Variants in CHN1 observed in about 807,000 individuals in gnomAD.
CHN1 encodes the protein chimerin 1.
Under a neutral mutation model 59.5 loss-of-function variants are expected in CHN1, and 37 were observed. The observed-to-expected ratio is 0.62, with a 90% confidence interval of 0.48 to 0.82. CHN1 has a LOEUF of 0.82. CHN1 is among the 40% of genes least tolerant of loss of function. The probability of loss-of-function intolerance (pLI) is 0.00; values close to 1 mark genes in which losing one functional copy is unlikely to be tolerated. For synonymous variants in CHN1, 206 were observed against 200.4 expected (o/e 1.03, Z -0.24); for missense variants, 469 against 571.0 (o/e 0.82, Z 1.82).
chr2:174,848,019 G>C (rs887439684), intron 6 of CHN1, among the ~76,000 whole-genome samples: 5 of 151,982 alleles, frequency 3.3e-5, no homozygotes, highest in Non-Finnish European at 5.9e-5. Context: ...TTAAAGACAA[G>C]GAAAAACTGG....
chr2:174,820,409 CTGA>C (rs1348256362), intron 8 of CHN1, among the ~76,000 whole-genome samples: 3 of 152,204 alleles, frequency 2.0e-5, no homozygotes, highest in Non-Finnish European at 4.4e-5. Context: ...TTGCATTTCT[CTGA>C]TGGCCAGTGA....
chr2:174,920,573 T>C (rs755422885), intron 3 of CHN1, among the ~76,000 whole-genome samples: 5 of 152,224 alleles, frequency 3.3e-5, no homozygotes, highest in Non-Finnish European at 7.3e-5. Context: ...TTTTCAGTGA[T>C]CTTCTCCCTT....
intron 1 of CHN1, among the ~76,000 whole-genome samples, chr2:174,994,375 T>C (rs1691639701): frequency 6.6e-6 from 1 of 152,194 alleles, no homozygotes; most frequent in Admixed American, 6.5e-5. Flanking sequence ...GTCCATGTCA[T>C]ATGGATCTGG....
chr2:174,840,068 T>C (rs868677340), intron 7 of CHN1, among the ~76,000 whole-genome samples: 57 of 151,808 alleles, frequency 3.8e-4, no homozygotes, highest in African/African-American at 1.3e-3. Flanking sequence ...TATTTGTATA[T>C]GAAATATTGA....
At chr2:174,918,706 C>A (rs1688919738) in intron 3 of CHN1, 141 bp from the exon 4 acceptor site, 1 of 612,896 alleles carries the variant, frequency 1.6e-6, no homozygotes, top group South Asian at 2.9e-5. Flanking sequence ...CCAGTTCTAC[C>A]AGCAGGTTAC....
chr2:174,906,886 G>A (rs1049507277), intron 5 of CHN1, among the ~76,000 whole-genome samples: 1 of 152,098 alleles, frequency 6.6e-6, no homozygotes, highest in Non-Finnish European at 1.5e-5. Flanking sequence ...GATCAAAAAC[G>A]GGTGTCTTTT....
rs865783996 is a variant in CHN1 at position 174,952,371 on chromosome 2, G to A, written c.20-169C>T. On this transcript the variant is annotated intron_variant, in intron 1 of 12. Coordinates refer to ENST00000409900, the MANE Select transcript of CHN1 (RefSeq NM_001822.7). ...TTTTTTTAGTCTTGGTCCTTACTTA[G>A]TTGGAGTAATTTTACAAAGATGTTT... is the stretch of plus-strand genomic sequence containing the variant. 2.0e-5 allele frequency among the ~76,000 whole-genome samples: 3 copies of A among 152,044 alleles called. No individual in the cohort carries two copies. In the South Asian group the frequency reaches 6.2e-4, roughly 31 times the overall value.
intron 5 of CHN1, among the ~76,000 whole-genome samples, chr2:174,914,755 A>G (rs1419941190): frequency 6.6e-6 from 1 of 151,498 alleles, no homozygotes; most frequent in South Asian, 2.1e-4. Context: ...AGGCAGGAGA[A>G]TAGCTTGAAC....
At chr2:174,991,023 CACTG>C (rs1390155177) in intron 1 of CHN1, among the ~76,000 whole-genome samples, 3 of 152,086 alleles carry the variant, frequency 2.0e-5, no homozygotes, top group South Asian at 2.1e-4. Context: ...TCATATAAAC[CACTG>C]ACTGCATCTT....
chr2:174,889,651 T>C (rs1217719338), intron 5 of CHN1, among the ~76,000 whole-genome samples: 1 of 151,978 alleles, frequency 6.6e-6, no homozygotes, highest in Non-Finnish European at 1.5e-5. Flanking sequence ...TAAAGACAGG[T>C]CATTTGAAAT....
chr2:174,831,559 G>A (rs1306140436), intron 7 of CHN1, among the ~76,000 whole-genome samples: 1 of 152,116 alleles, frequency 6.6e-6, no homozygotes, highest in Non-Finnish European at 1.5e-5. Flanking sequence ...GGTACAGATT[G>A]TATAATAATG....
At chr2:174,899,055 A>G (rs1290772993) in intron 5 of CHN1, among the ~76,000 whole-genome samples, 1 of 152,192 alleles carries the variant, frequency 6.6e-6, no homozygotes, top group Admixed American at 6.5e-5. Context: ...GGCTGTCAGT[A>G]GGACGGGCTC....
intron 2 of CHN1, among the ~76,000 whole-genome samples, chr2:174,948,111 C>T (rs1047839853): frequency 6.6e-6 from 1 of 152,148 alleles, no homozygotes; most frequent in African/African-American, 2.4e-5. Context: ...TTCATCAAGT[C>T]CAAAGATCAC....
intron 1 of CHN1, among the ~76,000 whole-genome samples, chr2:174,967,242 G>A (rs1309110142): frequency 6.6e-6 from 1 of 152,090 alleles, no homozygotes; most frequent in Non-Finnish European, 1.5e-5. Flanking sequence ...TACTGGGGTA[G>A]GAGGCAGGAG....
chr2:174,828,696 G>A (rs1685774747), intron 7 of CHN1, among the ~76,000 whole-genome samples: 1 of 152,180 alleles, frequency 6.6e-6, no homozygotes, highest in African/African-American at 2.4e-5. Context: ...AAAGCCATAA[G>A]TTGCATCTTG....
At position 174,894,114 on chromosome 2, in the gene CHN1, A is replaced by G. The variant is rs144050903; in HGVS notation, c.261-15986T>C. On this transcript the variant is annotated intron_variant, in intron 5 of 12. Transcript: ENST00000409900. Reference sequence around the variant, plus strand: ...AAGTAACAAGAGCAAAAACAGACAAATGGCACGACAGCACAAAAAACTTCT... The same window carrying G: ...AAGTAACAAGAGCAAAAACAGACAAGTGGCACGACAGCACAAAAAACTTCT... Among the ~76,000 whole-genome samples, 758 of 143,824 alleles carry G rather than the reference A, an allele frequency of 5.3e-3. 4 individuals carry two copies. The highest frequency in any genetic ancestry group is 8.7e-3 in the Non-Finnish European group (556 of 64,230). 94.4% of individuals were successfully genotyped at this position (143,824 alleles called of 152,430 possible). A position where few individuals can be genotyped will look rare whatever the true frequency, so the allele number is the denominator to read the frequency against.
intron 1 of CHN1, among the ~76,000 whole-genome samples, chr2:174,973,720 G>A (rs902436684): frequency 6.6e-6 from 1 of 152,134 alleles, no homozygotes; most frequent in Non-Finnish European, 1.5e-5. Flanking sequence ...TGAGAAGTGT[G>A]GGCCCTGGAA....
chr2:174,986,968 C>A (rs1048579411), intron 1 of CHN1, among the ~76,000 whole-genome samples: 7 of 152,128 alleles, frequency 4.6e-5, no homozygotes, highest in Admixed American at 1.3e-4. Context: ...CATCTCCTGA[C>A]CTCATGGTCT....
At chr2:174,992,803 A>G (rs1405259963) in intron 1 of CHN1, among the ~76,000 whole-genome samples, 1 of 146,686 alleles carries the variant, frequency 6.8e-6, no homozygotes, top group Non-Finnish European at 1.5e-5. Flanking sequence ...ATATCTAATC[A>G]CTTTTTTTTT....
Sources: allele counts gnomAD v4.1 joint callset (sites outside exome capture counted in the v4.1 genomes callset), GRCh38; gene constraint gnomAD v4.1.1; transcripts MANE v1.5; gene names NCBI Gene and HGNC (gene_info 2026-07-23, HGNC 2026-07-21).